SPACA7: variants seen among roughly 807,000 people sequenced by gnomAD.
The protein encoded by SPACA7 is sperm acrosome associated 7.
In SPACA7, 19 loss-of-function variants were observed where a neutral mutation model predicts 26.3. The ratio of observed to expected loss-of-function variants is 0.72; its 90% CI spans 0.50 to 1.06. The LOEUF is 1.06. Ranked by LOEUF, SPACA7 falls within the 50% of genes least tolerant of loss-of-function variation. The pLI is 0.00. For missense variants in SPACA7, 211 were observed against 229.9 expected, an observed-to-expected ratio of 0.92 and a Z score of 0.53; for synonymous variants, 84 against 84.5, an observed-to-expected ratio of 0.99 and a Z score of 0.04.
chr13:112,412,714 T>C (rs1180072594), intron 5 of SPACA7, among the ~76,000 whole-genome samples: 2 of 152,194 alleles, frequency 1.3e-5, no homozygotes, highest in African/African-American at 4.8e-5. Context: ...AAGGAGACTA[T>C]CCTTTTTCAA....
chr13:112,386,803 T>G (rs1884556587), intron 1 of SPACA7, among the ~76,000 whole-genome samples: 1 of 152,230 alleles, frequency 6.6e-6, no homozygotes, highest in South Asian at 2.1e-4. Context: ...AATCTCTTAT[T>G]ACCTGACTTT....
At chr13:112,378,286 TAAAA>T (rs549079125) in intron 1 of SPACA7, among the ~76,000 whole-genome samples, 2 of 151,962 alleles carry the variant, frequency 1.3e-5, no homozygotes, top group African/African-American at 4.8e-5. Flanking sequence ...TATCAAAAGA[TAAAA>T]AAAAGTAGAA....
chr13:112,417,198 A>T (rs1458908257), intron 5 of SPACA7, among the ~76,000 whole-genome samples: 1 of 152,078 alleles, frequency 6.6e-6, no homozygotes, highest in Admixed American at 6.5e-5. Flanking sequence ...CTTAATTATA[A>T]CTTCAAATAT....
At chr13:112,432,926 C>A (rs1021313036) in intron 6 of SPACA7, among the ~76,000 whole-genome samples, 2 of 152,186 alleles carry the variant, frequency 1.3e-5, no homozygotes, top group African/African-American at 2.4e-5. Context: ...CCCACCCTCT[C>A]GTGGGGTGGG....
intron 1 of SPACA7, among the ~76,000 whole-genome samples, chr13:112,392,286 C>G (rs1884941230): frequency 6.6e-6 from 1 of 152,188 alleles, no homozygotes; most frequent in Non-Finnish European, 1.5e-5. Flanking sequence ...CAGGGTCACT[C>G]AGCACAGTCA....
At chr13:112,422,208 A>T (rs537657924) in intron 5 of SPACA7, among the ~76,000 whole-genome samples, 2 of 152,318 alleles carry the variant, frequency 1.3e-5, no homozygotes, top group East Asian at 3.9e-4. Flanking sequence ...AAACTAGATC[A>T]TTTTAGAAGG....
chr13:112,408,295 T>C (rs1886121694), intron 5 of SPACA7, among the ~76,000 whole-genome samples: 1 of 152,132 alleles, frequency 6.6e-6, no homozygotes, highest in South Asian at 2.1e-4. Context: ...AGCATTCCCT[T>C]TGAAAACTGG....
chr13:112,399,428 G>A (rs1885495653), intron 4 of SPACA7, among the ~76,000 whole-genome samples: 4 of 152,252 alleles, frequency 2.6e-5, no homozygotes, highest in South Asian at 4.1e-4. Context: ...TGTCTCATGG[G>A]CAGGCAGATG....
rs529709147 is a variant in SPACA7 at position 112,397,976 on chromosome 13, G to T, written c.152-73G>T. The T allele has an allele frequency of 6.7e-6, 6 of 893,816 alleles. No individual in the cohort carries two copies. In the South Asian group the frequency reaches 7.0e-5, roughly 10 times the overall value. 55.4% of individuals were successfully genotyped at this position (893,816 alleles called of 1,614,324 possible). A position where few individuals can be genotyped will look rare whatever the true frequency, so the allele number is the denominator to read the frequency against. ...TGTACATTCACTGTGTGTACAGATG[G>T]CCTTAGGGGACAGGAGCCAAGGGCC... On this transcript the variant is annotated intron_variant, in intron 2 of 6. Coordinates refer to ENST00000283550, the MANE Select transcript of SPACA7 (RefSeq NM_145248.5).
At chr13:112,398,881 A>G (rs1885455872) in intron 3 of SPACA7, among the ~76,000 whole-genome samples, 185 bp from the exon 4 acceptor site, 1 of 152,204 alleles carries the variant, frequency 6.6e-6, no homozygotes. Flanking sequence ...CTGTTGGTTC[A>G]AGGGAGTCAG....
At chr13:112,405,873 G>A (rs902786738) in intron 5 of SPACA7, among the ~76,000 whole-genome samples, 13 of 151,954 alleles carry the variant, frequency 8.6e-5, no homozygotes, top group Admixed American at 3.9e-4. Flanking sequence ...TTATATCTTC[G>A]TTGTGAATTC....
At chr13:112,414,045 C>T (rs1886519251) in intron 5 of SPACA7, among the ~76,000 whole-genome samples, 1 of 152,032 alleles carries the variant, frequency 6.6e-6, no homozygotes, top group Non-Finnish European at 1.5e-5. Flanking sequence ...ACAACCAGCT[C>T]CTGTGTGAAC....
chr13:112,399,196 C>A, intron 4 of SPACA7, 23 bp downstream of exon 4: 3 of 1,276,484 alleles, frequency 2.4e-6, no homozygotes, highest in Non-Finnish European at 3.4e-6. Flanking sequence ...CAGTAATTAC[C>A]CCTTCCCAAG....
chr13:112,389,075 A>G lies in SPACA7; in HGVS notation c.95-3946A>G, dbSNP rs146318509. 6.8e-3 allele frequency among the ~76,000 whole-genome samples: 1,035 copies of G among 152,290 alleles called. 6 individuals are homozygous for G. Among genetic ancestry groups the G allele is most frequent in the Non-Finnish European group, 0.011 (748 of 68,018 alleles). On this transcript the variant is annotated intron_variant, in intron 1 of 6. Coordinates refer to ENST00000283550, the MANE Select transcript of SPACA7 (RefSeq NM_145248.5). ...GCATGACTCCTAAACCATAATTTCT[A>G]ATCTTATGGCTAATGTTAGTCTTAC...
chr13:112,390,860 C>A (rs1884842306), intron 1 of SPACA7, among the ~76,000 whole-genome samples: 1 of 152,176 alleles, frequency 6.6e-6, no homozygotes, highest in South Asian at 2.1e-4. Context: ...AAATCCAAAC[C>A]ATATCAGCCT....
intron 6 of SPACA7, 39 bp downstream of exon 6, chr13:112,432,560 G>A (rs1288509014): frequency 3.4e-6 from 5 of 1,473,728 alleles, no homozygotes; most frequent in South Asian, 1.1e-5. Context: ...TCTCATTTGG[G>A]GATTCTTTTC....
intron 5 of SPACA7, among the ~76,000 whole-genome samples, chr13:112,404,374 T>C (rs983735172): frequency 4.6e-5 from 7 of 152,264 alleles, no homozygotes; most frequent in Non-Finnish European, 7.3e-5. Context: ...GGATTGTCTG[T>C]TCACTCTGCT....
At chr13:112,395,595 C>T (rs1467042848) in intron 2 of SPACA7, among the ~76,000 whole-genome samples, 2 of 152,126 alleles carry the variant, frequency 1.3e-5, no homozygotes, top group Admixed American at 6.5e-5. Flanking sequence ...CTCAGCCTCC[C>T]GAGTAGCTGG....
intron 5 of SPACA7, among the ~76,000 whole-genome samples, chr13:112,426,844 T>C (rs1298262256): frequency 6.6e-6 from 1 of 152,222 alleles, no homozygotes; most frequent in African/African-American, 2.4e-5. Flanking sequence ...AATCGTTTGT[T>C]CTTCCTTTCC....
Sources: allele counts gnomAD v4.1 joint callset (sites outside exome capture counted in the v4.1 genomes callset), GRCh38; gene constraint gnomAD v4.1.1; transcripts MANE v1.5; gene names NCBI Gene and HGNC (gene_info 2026-07-23, HGNC 2026-07-21).